Variants in NRIP1 observed in about 807,000 individuals in gnomAD.
NRIP1 encodes nuclear receptor-interacting protein 1.
Under a neutral mutation model 75.0 loss-of-function variants are expected in NRIP1, and 28 were observed. The ratio of observed to expected loss-of-function variants is 0.37; its 90% CI spans 0.28 to 0.51. NRIP1 has a LOEUF of 0.51. NRIP1 is among the 20% of genes least tolerant of loss of function. The pLI, the probability that NRIP1 is intolerant of heterozygous loss-of-function variation, is 0.92. For missense variants in NRIP1, 1,435 were observed against 1,343.7 expected (o/e 1.07, Z -1.06); for synonymous variants, 526 against 487.6 (o/e 1.08, Z -1.04).
At chr21:15,026,737 G>C (rs997376092) in intron 2 of NRIP1, among the ~76,000 whole-genome samples, 2 of 152,042 alleles carry the variant, frequency 1.3e-5, no homozygotes, top group African/African-American at 4.8e-5. Flanking sequence ...TCCACACAGA[G>C]GGGAAGAAAT....
At chr21:15,032,227 C>A (rs1402670983) in intron 2 of NRIP1, among the ~76,000 whole-genome samples, 2 of 152,244 alleles carry the variant, frequency 1.3e-5, no homozygotes, top group African/African-American at 4.8e-5. Context: ...CTATCCAAAA[C>A]AAGAACTCTT....
intron 3 of NRIP1, among the ~76,000 whole-genome samples, chr21:14,986,779 T>C (rs1273292676): frequency 6.6e-6 from 1 of 152,212 alleles, no homozygotes; most frequent in Non-Finnish European, 1.5e-5. Context: ...TAAACTAAAC[T>C]TACAAACATC....
intron 3 of NRIP1, among the ~76,000 whole-genome samples, chr21:14,985,867 A>T (rs1360042185): frequency 6.6e-6 from 1 of 152,318 alleles, no homozygotes; most frequent in East Asian, 1.9e-4. Context: ...CTACTTTGTT[A>T]CATTTTCTTT....
Position 14,964,675 on chromosome 21 carries a change from A to G in NRIP1, c.*41T>C. ...TTATACAGATCTCAAGTTCATACTCATTAGTTTTAAAAAGATCCAAAACTG... is the reference window on the plus strand; with the variant it reads ...TTATACAGATCTCAAGTTCATACTCGTTAGTTTTAAAAAGATCCAAAACTG... On this transcript the variant is annotated 3_prime_UTR_variant, in exon 4 of 4. Coordinates refer to ENST00000318948, the MANE Select transcript of NRIP1 (RefSeq NM_003489.4). 7.2e-7 allele frequency: 1 copy of G among 1,382,778 alleles called. No individual in the cohort carries two copies. Among genetic ancestry groups the G allele is most frequent in the Non-Finnish European group, 9.8e-7 (1 of 1,018,080 alleles). The allele number at this position is 1,382,778 out of a possible 1,614,324, so 85.7% of individuals were successfully genotyped here.
intron 3 of NRIP1, among the ~76,000 whole-genome samples, chr21:15,010,628 A>G (rs955796229): frequency 2.0e-5 from 3 of 152,230 alleles, no homozygotes; most frequent in African/African-American, 4.8e-5. Flanking sequence ...AGGAAGGTCT[A>G]TTACTTTTCT....
chr21:14,999,001 C>T (rs2087793328), intron 3 of NRIP1, among the ~76,000 whole-genome samples: 2 of 152,120 alleles, frequency 1.3e-5, no homozygotes, highest in African/African-American at 4.8e-5. Flanking sequence ...CCAGTGTGAA[C>T]TCTCGTAGAA....
At position 14,962,282 on chromosome 21, in the gene NRIP1, A is replaced by C. The variant is rs1428957794; in HGVS notation, c.*2434T>G. ...TATGCCCTTTCTCACTGTTCTTTAA[A>C]ATCACCCTAAATTCAAATTGGGAAC... is the stretch of plus-strand genomic sequence containing the variant. On this transcript the variant is annotated 3_prime_UTR_variant, in exon 4 of 4. Coordinates refer to ENST00000318948, the MANE Select transcript of NRIP1 (RefSeq NM_003489.4). The C allele has an allele frequency of 6.6e-6, 1 of 151,940 alleles. No individual in the cohort carries two copies. The highest frequency in any genetic ancestry group is 1.5e-5 in the Non-Finnish European group (1 of 67,844). The allele number at this position is 151,940 out of a possible 1,614,324, so 9.4% of individuals were successfully genotyped here. A position where few individuals can be genotyped will look rare whatever the true frequency, so the allele number is the denominator to read the frequency against.
chr21:15,033,410 G>T (rs529869771), intron 2 of NRIP1, among the ~76,000 whole-genome samples: 36 of 152,134 alleles, frequency 2.4e-4, no homozygotes, highest in Non-Finnish European at 4.0e-4. Context: ...TAAGTAAGTG[G>T]CAGAGTTGGG....
intron 2 of NRIP1, among the ~76,000 whole-genome samples, chr21:15,030,968 T>C (rs1205213502): frequency 7.6e-6 from 1 of 132,228 alleles, no homozygotes; most frequent in Non-Finnish European, 1.8e-5. Flanking sequence ...ATTCCCTTTC[T>C]ATGTGTGTAC....
intron 2 of NRIP1, among the ~76,000 whole-genome samples, chr21:15,039,999 T>G (rs1463029611): frequency 6.6e-6 from 1 of 152,082 alleles, no homozygotes; most frequent in Non-Finnish European, 1.5e-5. Context: ...TTCTACTGGA[T>G]TTTTAAGGGT....
At chr21:14,969,492 G>A (rs907450320) in intron 3 of NRIP1, among the ~76,000 whole-genome samples, 1 of 152,142 alleles carries the variant, frequency 6.6e-6, no homozygotes, top group East Asian at 1.9e-4. Flanking sequence ...ATACACAACA[G>A]AAGAAGCAAG....
chr21:14,964,749 TC>T lies in NRIP1; in HGVS notation c.3443del (p.Gly1148GlufsTer4). On this transcript the variant is annotated frameshift_variant, in exon 4 of 4. Transcript: ENST00000318948. LOFTEE classifies it high-confidence loss of function. ...SANGEVYGLL[G>X]SVLTIKKESE Reference sequence around the variant, plus strand: ...ATTCTTTCTTTATCGTTAGCACGCTTCCCAGAAGTCCATAAACTTCTCCATT... The same window carrying T: ...ATTCTTTCTTTATCGTTAGCACGCTTCCAGAAGTCCATAAACTTCTCCATT... 6.4e-7 allele frequency: 1 copy of T among 1,571,872 alleles called. No homozygotes were observed. The highest frequency in any genetic ancestry group is 8.6e-7 in the Non-Finnish European group (1 of 1,165,564).
At chr21:14,993,850 T>C (rs1179973327) in intron 3 of NRIP1, among the ~76,000 whole-genome samples, 1 of 152,236 alleles carries the variant, frequency 6.6e-6, no homozygotes, top group East Asian at 1.9e-4. Flanking sequence ...GAAATGTTAA[T>C]TCACCTTTTT....
intron 2 of NRIP1, among the ~76,000 whole-genome samples, chr21:15,016,942 G>A (rs1483496135): frequency 6.9e-6 from 1 of 144,346 alleles, no homozygotes; most frequent in African/African-American, 2.6e-5. Context: ...AAGAAAGAAA[G>A]AAAAGAAGAA....
At chr21:15,023,359 T>A (rs1294402269) in intron 2 of NRIP1, among the ~76,000 whole-genome samples, 1 of 152,212 alleles carries the variant, frequency 6.6e-6, no homozygotes, top group Non-Finnish European at 1.5e-5. Context: ...CAGAACAGTT[T>A]GTTAATATTC....
At chr21:15,011,296 T>C (rs944427267) in intron 3 of NRIP1, among the ~76,000 whole-genome samples, 1 of 152,082 alleles carries the variant, frequency 6.6e-6, no homozygotes, top group Non-Finnish European at 1.5e-5. Flanking sequence ...TTCACGCCAT[T>C]CTCCTGCCTC....
At chr21:15,006,160 T>C (rs1600860700) in intron 3 of NRIP1, among the ~76,000 whole-genome samples, 1 of 152,046 alleles carries the variant, frequency 6.6e-6, no homozygotes, top group African/African-American at 2.4e-5. Context: ...ACATGATGAA[T>C]ACATTCTTAA....
At chr21:15,041,099 A>T (rs957543316) in intron 2 of NRIP1, among the ~76,000 whole-genome samples, 1 of 152,132 alleles carries the variant, frequency 6.6e-6, no homozygotes, top group Non-Finnish European at 1.5e-5. Flanking sequence ...AAGAAAACTA[A>T]ATGTCCACTT....
intron 2 of NRIP1, among the ~76,000 whole-genome samples, chr21:15,031,567 A>G (rs985992417): frequency 5.0e-5 from 7 of 141,296 alleles, no homozygotes; most frequent in African/African-American, 1.3e-4. Flanking sequence ...TTCCCTTTCT[A>G]TGTGTATACA....
Sources: allele counts gnomAD v4.1 joint callset (sites outside exome capture counted in the v4.1 genomes callset), GRCh38; gene constraint gnomAD v4.1.1; transcripts MANE v1.5; gene names NCBI Gene and HGNC (gene_info 2026-07-23, HGNC 2026-07-21).